Variants in FMN1 observed in about 807,000 individuals in gnomAD.
FMN1 encodes formin 1, also known as formin-1.
FMN1 carries 110 observed loss-of-function variants against 132.4 expected under a neutral mutation model. That is an observed-to-expected ratio of 0.83 (90% CI 0.71 to 0.97). The LOEUF is 0.97. FMN1 is among the 50% of genes least tolerant of loss of function. The probability of loss-of-function intolerance (pLI) is 0.00; values close to 1 mark genes in which losing one functional copy is unlikely to be tolerated. For missense variants in FMN1, 1,792 were observed against 1,705.3 expected (o/e 1.05, Z -0.90); for synonymous variants, 722 against 651.7 (o/e 1.11, Z -1.64).
In FMN1 at chr15:32,819,375, T is replaced by C. The variant is rs1467151469; in HGVS notation, c.3929-15043A>G. ...AGCCAAGATTAATTCCCTATGGATT[T>C]ATATGGGTCGTTCTCACCCACGATG... On this transcript the variant is annotated intron_variant, in intron 17 of 20. Transcript: ENST00000616417. 2.0e-5 allele frequency among the ~76,000 whole-genome samples: 3 copies of C among 152,338 alleles called. No homozygotes were observed. The East Asian group carries it at 5.8e-4, about 29-fold the overall frequency.
At chr15:32,844,172 G>A (rs1316740435) in intron 17 of FMN1, among the ~76,000 whole-genome samples, 3 of 152,172 alleles carry the variant, frequency 2.0e-5, no homozygotes, top group Non-Finnish European at 4.4e-5. Flanking sequence ...CTGTTTGAAA[G>A]CAGAGCTGGG....
chr15:32,829,948 A>G (rs1312806490), intron 17 of FMN1, among the ~76,000 whole-genome samples: 1 of 152,170 alleles, frequency 6.6e-6, no homozygotes, highest in African/African-American at 2.4e-5. Flanking sequence ...ACTGAATCCA[A>G]ATTTTGTCCT....
chr15:32,852,834 G>C (rs952130437), intron 17 of FMN1, among the ~76,000 whole-genome samples: 2 of 151,954 alleles, frequency 1.3e-5, no homozygotes, highest in African/African-American at 4.8e-5. Context: ...TATTATCTGC[G>C]GCCTGTCAGA....
At chr15:33,047,230 T>C (rs989529028) in intron 6 of FMN1, among the ~76,000 whole-genome samples, 1 of 152,216 alleles carries the variant, frequency 6.6e-6, no homozygotes, top group Non-Finnish European at 1.5e-5. Context: ...TATCTTCCTT[T>C]CTCTTAGTTA....
In FMN1 at chr15:33,117,806, T is replaced by C. The variant is rs368838335; in HGVS notation, c.1868-28832A>G. On this transcript the variant is annotated intron_variant, in intron 4 of 20. Coordinates refer to ENST00000616417, the MANE Select transcript of FMN1 (RefSeq NM_001277313.2). ...AAGGAAGAACCACTAGAGCAAACAA[T>C]GGTTATGAAGCATACTCAGGACCAT... Among the ~76,000 whole-genome samples, 7 of 152,294 alleles carry C rather than the reference T, an allele frequency of 4.6e-5. No homozygotes were observed. In the East Asian group the frequency reaches 1.2e-3, roughly 25 times the overall value.
intron 4 of FMN1, among the ~76,000 whole-genome samples, chr15:33,126,869 C>CAG (rs1963130672): frequency 1.3e-5 from 2 of 152,154 alleles, no homozygotes; most frequent in Non-Finnish European, 2.9e-5. Flanking sequence ...AAAACTGATA[C>CAG]CCATAAATAA....
chr15:32,890,130 C>T (rs932552940), intron 15 of FMN1, among the ~76,000 whole-genome samples: 9 of 141,092 alleles, frequency 6.4e-5, no homozygotes, highest in Admixed American at 2.1e-4. Flanking sequence ...GAGTAGTATT[C>T]GATTGTATAT....
chr15:32,776,072 A>G (rs1174381131), intron 20 of FMN1, among the ~76,000 whole-genome samples: 1 of 152,218 alleles, frequency 6.6e-6, no homozygotes, highest in Non-Finnish European at 1.5e-5. Context: ...TTTTCTCAAA[A>G]TAACCCCAAA....
intron 3 of FMN1, among the ~76,000 whole-genome samples, chr15:33,178,726 TAC>T (rs1965599244): frequency 6.6e-6 from 1 of 152,210 alleles, no homozygotes; most frequent in African/African-American, 2.4e-5. Flanking sequence ...GCATTCAGAA[TAC>T]AGTGACTGGT....
intron 7 of FMN1, among the ~76,000 whole-genome samples, chr15:32,982,079 A>G (rs781272550): frequency 9.8e-5 from 15 of 152,348 alleles, no homozygotes; most frequent in Non-Finnish European, 1.3e-4. Context: ...TAGGTAAAAG[A>G]TCTGAACAGA....
intron 4 of FMN1, among the ~76,000 whole-genome samples, chr15:33,114,703 C>T (rs192077900): frequency 6.6e-6 from 1 of 152,274 alleles, no homozygotes; most frequent in East Asian, 1.9e-4. Flanking sequence ...TGTAATGTCT[C>T]CTAAACTATA....
intron 15 of FMN1, among the ~76,000 whole-genome samples, chr15:32,894,501 AAGAG>A (rs939092080): frequency 2.0e-5 from 3 of 151,158 alleles, no homozygotes; most frequent in South Asian, 2.1e-4. Context: ...AAAAAAAAAA[AAGAG>A]AGACAACAAT....
At chr15:32,870,118 A>T (rs1479314933) in intron 16 of FMN1, among the ~76,000 whole-genome samples, 1 of 152,184 alleles carries the variant, frequency 6.6e-6, no homozygotes, top group Non-Finnish European at 1.5e-5. Flanking sequence ...AAACTGATTT[A>T]GTTCTTATCT....
intron 10 of FMN1, among the ~76,000 whole-genome samples, chr15:32,925,264 CTTCT>C (rs2060930892): frequency 6.6e-6 from 1 of 152,170 alleles, no homozygotes; most frequent in Admixed American, 6.5e-5. Context: ...ATTTTGAAAA[CTTCT>C]ATTGAAATAA....
At chr15:32,852,808 A>G (rs149442853) in intron 17 of FMN1, among the ~76,000 whole-genome samples, 14 of 152,310 alleles carry the variant, frequency 9.2e-5, no homozygotes, top group African/African-American at 2.6e-4. Flanking sequence ...TCACTCCTGT[A>G]CACATTATTT....
In FMN1 at chr15:33,175,677, G is replaced by A. The variant is rs140836636; in HGVS notation, c.-132+4521C>T. ...GACAACTGCTAGGTATGGCCTCAGT[G>A]AAGTCAAAATTTAGTGCCCATTAAA... is the stretch of plus-strand genomic sequence containing the variant. On this transcript the variant is annotated intron_variant, in intron 3 of 20. Coordinates refer to ENST00000616417, the MANE Select transcript of FMN1 (RefSeq NM_001277313.2). Among the ~76,000 whole-genome samples the A allele has an allele frequency of 4.5e-3, 688 of 152,258 alleles. 1 individual carries two copies. Among genetic ancestry groups the A allele is most frequent in the African/African-American group, 0.016 (666 of 41,548 alleles).
At position 33,153,680 on chromosome 15, in the gene FMN1, C is replaced by T. The variant is rs894045502; in HGVS notation, c.1235G>A (p.Ser412Asn). 6.5e-6 allele frequency: 10 copies of T among 1,536,300 alleles called. No individual in the cohort carries two copies. The African/African-American group carries it at 1.1e-4, about 17-fold the overall frequency. Reference sequence around the variant, plus strand: ...GACCTTGTTCACGGCCCCCTCGGCACTGGCCGACACACTAGAAATGGAGGC... The same window carrying T: ...GACCTTGTTCACGGCCCCCTCGGCATTGGCCGACACACTAGAAATGGAGGC... ...ETASISSVSA[S>N]AEGAVNKVPL... The change falls in exon 4 of 21, where the codon AGT (serine) becomes AAT (asparagine). Residue 412 changes from serine to asparagine, a missense_variant. Around this residue, in one of 3 missense-constraint regions of FMN1, gnomAD observed 638 missense variants for 645.2 expected, o/e 0.99. Transcript: ENST00000616417.
At chr15:32,925,407 A>C (rs2060935399) in intron 10 of FMN1, among the ~76,000 whole-genome samples, 1 of 152,236 alleles carries the variant, frequency 6.6e-6, no homozygotes, top group African/African-American at 2.4e-5. Context: ...TAGATCAGAC[A>C]GTTTATAGAA....
At chr15:33,139,048 T>G (rs932646789) in intron 4 of FMN1, among the ~76,000 whole-genome samples, 1 of 152,206 alleles carries the variant, frequency 6.6e-6, no homozygotes. Context: ...TAATGATATT[T>G]TAATAATTAT....
Sources: allele counts gnomAD v4.1 joint callset (sites outside exome capture counted in the v4.1 genomes callset), GRCh38; gene constraint gnomAD v4.1.1; regional missense constraint gnomAD v4.1.1; transcripts MANE v1.5; gene names NCBI Gene and HGNC (gene_info 2026-07-23, HGNC 2026-07-21).